NBPF6: variants seen among roughly 807,000 people sequenced by gnomAD.
NBPF6 encodes the protein NBPF family member NBPF6.
Under a neutral mutation model 20.8 loss-of-function variants are expected in NBPF6, and 2 were observed. The observed-to-expected ratio is 0.10, with a 90% CI of 0.04 to 0.30. The LOEUF (loss-of-function observed/expected upper bound fraction) is 0.30. Among genes scored for constraint, NBPF6 ranks in the 10% least tolerant of loss-of-function variants. The pLI is 1.00. For missense variants in NBPF6, 85 were observed against 260.3 expected (o/e 0.33, Z 4.63); for synonymous variants, 24 against 100.0 (o/e 0.24, Z 4.53).
upstream of NBPF6, among the ~76,000 whole-genome samples, chr1:108,448,120 C>G (rs1187704926): frequency 1.4e-5 from 2 of 142,792 alleles, 1 homozygote; most frequent in Non-Finnish European, 3.1e-5. Context: ...CATAGACTAC[C>G]CAGCATTCAT....
In NBPF6 at chr1:108,453,009, T is replaced by TGC. The variant is rs1491237836; in HGVS notation, c.279-172_279-171insGC. Among the ~76,000 whole-genome samples, 20 of 59,192 alleles carry TGC rather than the reference T, an allele frequency of 3.4e-4. 6 individuals are homozygous for TGC. Among genetic ancestry groups the TGC allele is most frequent in the African/African-American group, 1.2e-3 (18 of 15,524 alleles). 38.8% of individuals were successfully genotyped at this position (59,192 alleles called of 152,430 possible). On this transcript the variant is annotated intron_variant, in intron 3 of 14. Coordinates refer to ENST00000495380, the MANE Select transcript of NBPF6 (RefSeq NM_001143988.2). ...GTGTGTGTGTGTGTGTGTGTGTGTG[T>TGC]ATATATATATATATTCTTCTTTCTC... is the stretch of plus-strand genomic sequence containing the variant.
rs1653450934 is a variant in NBPF6 at position 108,471,177 on chromosome 1, A to G, written c.*539A>G. Among the ~76,000 whole-genome samples the G allele has an allele frequency of 6.6e-6, 1 of 152,204 alleles. No homozygotes were observed. Among genetic ancestry groups the G allele is most frequent in the Non-Finnish European group, 1.5e-5 (1 of 68,028 alleles). On this transcript the variant is annotated 3_prime_UTR_variant, in exon 15 of 15. Coordinates refer to ENST00000495380, the MANE Select transcript of NBPF6 (RefSeq NM_001143988.2). The stretch of plus-strand genomic sequence containing the variant: ...AAAGAGTAAAAAGCCTATGCAGCTT[A>G]TGCTTTTTTAGTCATTTTGAACCCA...
chr1:108,429,548 G>T, the NBPF6 span, among the ~76,000 whole-genome samples: 59 of 135,316 alleles, frequency 4.4e-4, no homozygotes, highest in African/African-American at 1.5e-3. Flanking sequence ...TGGTTTCAAA[G>T]AACTTCCTGA....
At chr1:108,427,938 G>T in the NBPF6 span, among the ~76,000 whole-genome samples, 1 of 57,222 alleles carries the variant, frequency 1.7e-5, no homozygotes, top group African/African-American at 5.9e-5. Flanking sequence ...AAAGATAGGA[G>T]TAGAAACTAA....
chr1:108,465,453 C>G, intron 13 of NBPF6, 29 bp downstream of exon 13: 2 of 496,792 alleles, frequency 4.0e-6, no homozygotes, highest in South Asian at 4.0e-5. Context: ...TCATGAAGCT[C>G]TAATCCAGGT....
At position 108,470,664 on chromosome 1, in the gene NBPF6, C is replaced by T. The variant is rs1653414703; in HGVS notation, c.*26C>T. 4.5e-6 allele frequency: 7 copies of T among 1,550,140 alleles called. No homozygotes were observed. Among genetic ancestry groups the T allele is most frequent in the Non-Finnish European group, 6.1e-6 (7 of 1,146,538 alleles). ...AAGAATGTCACAAAAAGCAGCTTTT[C>T]CACTTGATAAAAACAACTAAAACAG... On this transcript the variant is annotated 3_prime_UTR_variant, in exon 15 of 15. Coordinates refer to ENST00000495380, the MANE Select transcript of NBPF6 (RefSeq NM_001143988.2).
chr1:108,470,980 T>C lies in NBPF6; in HGVS notation c.*342T>C, dbSNP rs1279015243. On this transcript the variant is annotated 3_prime_UTR_variant, in exon 15 of 15. Coordinates refer to ENST00000495380, the MANE Select transcript of NBPF6 (RefSeq NM_001143988.2). ...GCCGGGACTCTGCCAGGGCAGAGTA[T>C]GAGCAATGCCATGTTCTTGCTGAAA... 3 of 219,104 alleles carry C rather than the reference T, an allele frequency of 1.4e-5. No individual in the cohort carries two copies. Among genetic ancestry groups the C allele is most frequent in the Non-Finnish European group, 2.7e-5 (3 of 111,350 alleles). The allele number at this position is 219,104 out of a possible 1,614,324, so 13.6% of individuals were successfully genotyped here.
At position 108,470,911 on chromosome 1, in the gene NBPF6, T is replaced by C. The variant is rs532975084; in HGVS notation, c.*273T>C. 162 of 335,114 alleles carry C rather than the reference T, an allele frequency of 4.8e-4. 1 individual carries two copies. The highest frequency in any genetic ancestry group is 3.4e-3 in the African/African-American group (158 of 46,698). 20.8% of individuals were successfully genotyped at this position (335,114 alleles called of 1,614,324 possible). A position where few individuals can be genotyped will look rare whatever the true frequency, so the allele number is the denominator to read the frequency against. ...GCCCTGTTTCTCAATTCCCATCATG[T>C]AGAGAACAGGAGTCCGCAGCTGCTG... On this transcript the variant is annotated 3_prime_UTR_variant, in exon 15 of 15. Coordinates refer to ENST00000495380, the MANE Select transcript of NBPF6 (RefSeq NM_001143988.2).
chr1:108,467,665 G>T lies in NBPF6; in HGVS notation c.1875G>T (p.Glu625Asp). ...RFAGPHAESA[E>D]IPNTAERMQR... is the part of the protein sequence containing the mutation. ...CTGGCCCGCATGCTGAGAGTGCAGA[G>T]GTAATCACATCTATGGCTGATAGCT... The change falls in exon 14 of 15, where the codon GAG becomes GAT. Residue 625 changes from glutamate (E) to aspartate (D), a missense_variant and splice_region_variant. Glu to Asp is a conservative substitution (Grantham distance 45). Coordinates refer to ENST00000495380, the MANE Select transcript of NBPF6 (RefSeq NM_001143988.2). 6.5e-7 allele frequency: 1 copy of T among 1,549,218 alleles called. No individual in the cohort carries two copies.
Position 108,460,615 on chromosome 1 carries a change from TTTG to T in NBPF6, c.1199-515_1199-513del, listed in dbSNP as rs1256001463. On this transcript the variant is annotated intron_variant, in intron 10 of 14. Transcript: ENST00000495380. ...GTTTTAGCTGAGCAGTCCATTACCTTTTGTTATGTTTCTAGAAACAAGATTGGG... is the reference window on the plus strand; with the variant it reads ...GTTTTAGCTGAGCAGTCCATTACCTTTTATGTTTCTAGAAACAAGATTGGG... 1.8e-5 allele frequency among the ~76,000 whole-genome samples: 2 copies of T among 109,438 alleles called. 1 individual carries two copies. The allele number at this position is 109,438 out of a possible 152,430, so 71.8% of individuals were successfully genotyped here.
rs202181548 is a variant in NBPF6, at chr1:108,467,519, T to C, written c.1729T>C (p.Ser577Pro). Residue 577 changes from serine (S) to proline (P), a missense_variant, in exon 14 of 15, where the codon TCA (serine) becomes CCA (proline). By Grantham distance (74) the Ser-to-Pro change is moderately conservative (BLOSUM62 -1). Coordinates refer to ENST00000495380, the MANE Select transcript of NBPF6 (RefSeq NM_001143988.2). ...PQLEDDALEGSASNTQGRQVT... is the reference protein window; with the variant it reads ...PQLEDDALEGPASNTQGRQVT... ...GCTGGAAGATGATGCACTTGAAGGC[T>C]CAGCAAGCAACACACAAGGGCGTCA... The C allele has an allele frequency of 2.8e-3, 4,340 of 1,548,100 alleles. 1 individual carries two copies. The African/African-American group carries it at 0.055, about 19-fold the overall frequency.
At position 108,470,338 on chromosome 1, in the gene NBPF6, T is replaced by G. The variant is rs527600799; in HGVS notation, c.1876-259T>G. ...CAGAGGGGATCAGGAGGAAAGGGGA[T>G]GATGTTGCCCACTGCTGGTTGGGCA... On this transcript the variant is annotated intron_variant, in intron 14 of 14. Coordinates refer to ENST00000495380, the MANE Select transcript of NBPF6 (RefSeq NM_001143988.2). Among the ~76,000 whole-genome samples, 275 of 132,156 alleles carry G rather than the reference T, an allele frequency of 2.1e-3. 1 individual carries two copies. The highest frequency in any genetic ancestry group is 3.8e-3 in the Admixed American group (50 of 13,172). The allele number at this position is 132,156 out of a possible 152,430, so 86.7% of individuals were successfully genotyped here.
At chr1:108,459,819 T>C (rs1460240215) in intron 9 of NBPF6, 114 bp from the exon 10 acceptor site, 1 of 17,002 alleles carries the variant, frequency 5.9e-5, no homozygotes, top group Non-Finnish European at 1.6e-4. Flanking sequence ...AATATTTAAC[T>C]GTTTAATGGG....
At chr1:108,447,917 T>G (rs1468173316), upstream of NBPF6, among the ~76,000 whole-genome samples, 2 of 147,418 alleles carry the variant, frequency 1.4e-5, 1 homozygote, top group Non-Finnish European at 3.0e-5. Context: ...ATAAGCATTT[T>G]TCTATCTACA....
Position 108,470,905 on chromosome 1 carries a change from A to C in NBPF6, c.*267A>C. The C allele has an allele frequency of 2.9e-6, 1 of 344,492 alleles. No homozygotes were observed. Among genetic ancestry groups the C allele is most frequent in the South Asian group, 4.4e-5 (1 of 22,790 alleles). 21.3% of individuals were successfully genotyped at this position (344,492 alleles called of 1,614,324 possible). A position where few individuals can be genotyped will look rare whatever the true frequency, so the allele number is the denominator to read the frequency against. ...GCGTTAGCCCTGTTTCTCAATTCCC[A>C]TCATGTAGAGAACAGGAGTCCGCAG... On this transcript the variant is annotated 3_prime_UTR_variant, in exon 15 of 15. Coordinates refer to ENST00000495380, the MANE Select transcript of NBPF6 (RefSeq NM_001143988.2).
chr1:108,436,592 C>CAAAAAAAAAA, the NBPF6 span, among the ~76,000 whole-genome samples: 3 of 16,338 alleles, frequency 1.8e-4, no homozygotes, highest in African/African-American at 3.6e-4. Context: ...GGCTCTGTCT[C>CAAAAAAAAAA]AAAAAAAAAA....
At chr1:108,469,933 T>C (rs1326100888) in intron 14 of NBPF6, among the ~76,000 whole-genome samples, 1 of 132,262 alleles carries the variant, frequency 7.6e-6, no homozygotes, top group Admixed American at 7.7e-5. Flanking sequence ...CTCATGACTG[T>C]TGAGACCTCC....
At chr1:108,447,853 T>C (rs1161360304), upstream of NBPF6, among the ~76,000 whole-genome samples, 1 of 146,278 alleles carries the variant, frequency 6.8e-6, no homozygotes, top group Non-Finnish European at 1.5e-5. Flanking sequence ...AAAACAAAAG[T>C]TTGTGCTTCG....
upstream of NBPF6, among the ~76,000 whole-genome samples, chr1:108,449,416 CTATATATATATATATATATA>C (rs1165819915): frequency 0.038 from 337 of 8,844 alleles, 37 homozygotes; most frequent in African/African-American, 0.044. Context: ...GTTAGAACAA[CTATATATATATATATATATA>C]TATATATATA....
Sources: allele counts gnomAD v4.1 joint callset (sites outside exome capture counted in the v4.1 genomes callset), GRCh38; gene constraint gnomAD v4.1.1; transcripts MANE v1.5; gene names NCBI Gene and HGNC (gene_info 2026-07-23, HGNC 2026-07-21).